The following ARB2A variants were observed in gnomAD, a reference collection of about 807,000 sequenced individuals.
ARB2A encodes cotranscriptional regulator ARB2A.
the ARB2A span, among the ~76,000 whole-genome samples, chr5:93,748,048 T>C: frequency 6.6e-6 from 1 of 152,194 alleles, no homozygotes; most frequent in Non-Finnish European, 1.5e-5. Flanking sequence ...TTTTACATTT[T>C]GCTTACATAG....
At chr5:93,952,634 T>C in the ARB2A span, among the ~76,000 whole-genome samples, 1 of 152,204 alleles carries the variant, frequency 6.6e-6, no homozygotes, top group Admixed American at 6.5e-5. Flanking sequence ...ATTAAATGTC[T>C]TGATGTATTC....
At chr5:93,719,618 G>GTGATGAT in the ARB2A span, among the ~76,000 whole-genome samples, 1 of 152,070 alleles carries the variant, frequency 6.6e-6, no homozygotes, top group African/African-American at 2.4e-5. Context: ...ACATCTCAAG[G>GTGATGAT]TGATGATTCT....
At chr5:94,088,200 A>G in the ARB2A span, among the ~76,000 whole-genome samples, 1 of 152,214 alleles carries the variant, frequency 6.6e-6, no homozygotes, top group Non-Finnish European at 1.5e-5. Flanking sequence ...CTATATATCA[A>G]TAACATATTG....
chr5:93,796,872 T>G, the ARB2A span, among the ~76,000 whole-genome samples: 1 of 152,168 alleles, frequency 6.6e-6, no homozygotes, highest in African/African-American at 2.4e-5. Context: ...GATAGGACTT[T>G]TGGGGATTGC....
At chr5:93,683,273 C>G in the ARB2A span, 1 of 1,595,066 alleles carries the variant, frequency 6.3e-7, no homozygotes, top group Non-Finnish European at 8.5e-7. Context: ...TGGAACCTTG[C>G]TACCACCTCC....
chr5:94,012,135 G>A, the ARB2A span, among the ~76,000 whole-genome samples: 2 of 152,022 alleles, frequency 1.3e-5, no homozygotes, highest in Non-Finnish European at 2.9e-5. Context: ...AGGCGCAGTG[G>A]CTCACGCCTG....
At chr5:93,767,295 T>C in the ARB2A span, among the ~76,000 whole-genome samples, 179 of 152,276 alleles carry the variant, frequency 1.2e-3, no homozygotes, top group African/African-American at 4.1e-3. Context: ...TCAATATCAC[T>C]AATTATCAGG....
the ARB2A span, among the ~76,000 whole-genome samples, chr5:93,757,775 A>G: frequency 6.6e-6 from 1 of 152,220 alleles, no homozygotes; most frequent in Admixed American, 6.5e-5. Context: ...ACCTCTTTGA[A>G]GCTTAAATCA....
At chr5:94,053,221 A>G in the ARB2A span, 1 of 1,485,848 alleles carries the variant, frequency 6.7e-7, no homozygotes, top group Non-Finnish European at 9.2e-7. Flanking sequence ...TATCCTAGAT[A>G]ATAAATCTAG....
At chr5:93,660,195 T>A in the ARB2A span, among the ~76,000 whole-genome samples, 276 of 152,296 alleles carry the variant, frequency 1.8e-3, no homozygotes, top group African/African-American at 6.5e-3. Context: ...AATATGTAAG[T>A]GCTATTATTG....
the ARB2A span, chr5:93,776,341 G>T: frequency 1.2e-6 from 1 of 835,302 alleles, no homozygotes; most frequent in South Asian, 2.2e-5. Context: ...AACCACTAGA[G>T]TGTATTCAAT....
At chr5:93,823,465 A>G in the ARB2A span, among the ~76,000 whole-genome samples, 2 of 152,216 alleles carry the variant, frequency 1.3e-5, no homozygotes, top group Non-Finnish European at 2.9e-5. Context: ...AATTCTGATC[A>G]AGTATCAAGT....
the ARB2A span, chr5:93,863,174 T>G: frequency 1.3e-5 from 2 of 152,014 alleles, no homozygotes; most frequent in African/African-American, 4.8e-5. Context: ...AATCTGGGTA[T>G]GAAGCCAAAG....
the ARB2A span, among the ~76,000 whole-genome samples, chr5:94,095,563 A>T: frequency 6.6e-6 from 1 of 151,772 alleles, no homozygotes; most frequent in East Asian, 1.9e-4. Flanking sequence ...TACAAACATT[A>T]GACTGCTAAT....
At chr5:93,732,347 T>C in the ARB2A span, among the ~76,000 whole-genome samples, 1 of 152,232 alleles carries the variant, frequency 6.6e-6, no homozygotes, top group Non-Finnish European at 1.5e-5. Flanking sequence ...AAGATTCTAC[T>C]GTGTTAAAAT....
At chr5:93,949,791 A>T in the ARB2A span, among the ~76,000 whole-genome samples, 1 of 152,132 alleles carries the variant, frequency 6.6e-6, no homozygotes, top group African/African-American at 2.4e-5. Context: ...CCTCCCCTAC[A>T]ACCCATTATC....
the ARB2A span, among the ~76,000 whole-genome samples, chr5:94,071,792 G>C: frequency 2.0e-5 from 3 of 152,016 alleles, no homozygotes. Context: ...AGCCACTCTG[G>C]AAAATAATTT....
At chr5:93,710,726 C>T in the ARB2A span, among the ~76,000 whole-genome samples, 1 of 152,046 alleles carries the variant, frequency 6.6e-6, no homozygotes, top group Non-Finnish European at 1.5e-5. Flanking sequence ...AACTTTGATT[C>T]ATATGTTAAA....
At chr5:93,626,527 C>G in the ARB2A span, among the ~76,000 whole-genome samples, 2 of 152,108 alleles carry the variant, frequency 1.3e-5, no homozygotes, top group African/African-American at 4.8e-5. Context: ...GGTTACAGAC[C>G]ACCCCAATGA....
Sources: allele counts gnomAD v4.1 joint callset (sites outside exome capture counted in the v4.1 genomes callset), GRCh38; gene constraint gnomAD v4.1.1; transcripts MANE v1.5; gene names NCBI Gene and HGNC (gene_info 2026-07-23, HGNC 2026-07-21).